The following LTN1 variants were observed in gnomAD, a reference collection of about 807,000 sequenced individuals.
LTN1 encodes the protein listerin E3 ubiquitin protein ligase 1.
LTN1 carries 88 observed loss-of-function variants against 201.2 expected under a neutral mutation model. The ratio of observed to expected loss-of-function variants is 0.44; its 90% CI spans 0.37 to 0.52. LTN1 has a LOEUF of 0.52. Ranked by LOEUF, LTN1 falls within the 20% of genes least tolerant of loss-of-function variation. The pLI is 0.00. For synonymous variants in LTN1, 645 were observed against 713.5 expected (o/e 0.90, Z 1.53); for missense variants, 1,752 against 2,038.7 (o/e 0.86, Z 2.71).
Position 28,986,831 on chromosome 21 carries a change from G to T in LTN1, c.146C>A (p.Pro49His). The T allele has an allele frequency of 1.2e-6, 2 of 1,613,656 alleles. No homozygotes were observed. The highest frequency in any genetic ancestry group is 1.7e-6 in the Non-Finnish European group (2 of 1,179,588). The stretch of plus-strand genomic sequence containing the variant: ...AATTTCTTCAGCTCCTTGAATAGCA[G>T]GAACATAGCCTAGGTCACTCTGAGA... Reference protein sequence around the residue: ...GTSQSDLGYVPAIQGAEEIDS... With the variant: ...GTSQSDLGYVHAIQGAEEIDS... The change falls in exon 2 of 30, where the codon CCT becomes CAT. Residue 49 changes from proline (P) to histidine (H), a missense_variant. Physicochemically the swap from Pro to His is moderately conservative, Grantham distance 77. This residue lies in a region of LTN1 where 280 missense variants were observed against 375.7 expected (regional missense o/e 0.75). Transcript: ENST00000361371. The surrounding 1 kb of genome is among the most constrained non-coding windows in gnomAD (Gnocchi z 4.1).
intron 6 of LTN1, among the ~76,000 whole-genome samples, chr21:28,973,361 A>AG (rs1459482240): frequency 3.3e-5 from 5 of 151,408 alleles, no homozygotes; most frequent in Non-Finnish European, 5.9e-5. Flanking sequence ...AAAAAAAAAA[A>AG]AAAAAAAGAA....
chr21:28,939,111 A>G (rs1408219033), intron 25 of LTN1, among the ~76,000 whole-genome samples: 1 of 152,230 alleles, frequency 6.6e-6, no homozygotes, highest in African/African-American at 2.4e-5. Context: ...CAATACAACA[A>G]TAAAAATACT....
intron 18 of LTN1, among the ~76,000 whole-genome samples, chr21:28,951,012 C>T (rs151305917): frequency 3.9e-4 from 59 of 152,144 alleles, no homozygotes; most frequent in Middle Eastern, 3.4e-3. Context: ...ACAGAACACA[C>T]GCACACTCTG....
At chr21:28,942,151 G>A (rs996499304) in intron 24 of LTN1, among the ~76,000 whole-genome samples, 2 of 152,026 alleles carry the variant, frequency 1.3e-5, no homozygotes, top group African/African-American at 2.4e-5. Context: ...CACAAGTACA[G>A]GCCTTCTCCA....
At chr21:28,960,187 C>T (rs911373702) in intron 12 of LTN1, among the ~76,000 whole-genome samples, 4 of 151,668 alleles carry the variant, frequency 2.6e-5, no homozygotes, top group South Asian at 2.1e-4. Context: ...GCCAACACAG[C>T]GAAACCCCGT....
chr21:28,945,221 A>C (rs992486748), intron 21 of LTN1, among the ~76,000 whole-genome samples: 1 of 152,106 alleles, frequency 6.6e-6, no homozygotes, highest in African/African-American at 2.4e-5. Context: ...ATTCTATCTC[A>C]AATTTAAAAA....
At position 28,958,619 on chromosome 21, in the gene LTN1, C is replaced by T. The variant is rs572134269; in HGVS notation, c.2594-80G>A. On this transcript the variant is annotated intron_variant, in intron 13 of 29. Transcript: ENST00000361371. ...GCACAAAATGTTTGAAACAACTCTA[C>T]AGATCTGAGATTTTTTTAAATACCA... 152 of 1,033,896 alleles carry T rather than the reference C, an allele frequency of 1.5e-4. 3 individuals carry two copies. The South Asian group carries it at 2.4e-3, about 17-fold the overall frequency. The allele number at this position is 1,033,896 out of a possible 1,614,324, so 64.0% of individuals were successfully genotyped here. A position where few individuals can be genotyped will look rare whatever the true frequency, so the allele number is the denominator to read the frequency against.
At chr21:28,983,784 T>C (rs1601003938) in intron 4 of LTN1, among the ~76,000 whole-genome samples, 2 of 152,300 alleles carry the variant, frequency 1.3e-5, no homozygotes, top group South Asian at 2.1e-4. Context: ...AATAAGGGAA[T>C]AAATGCAAGC....
chr21:28,974,797 G>A (rs1474341025), intron 6 of LTN1, among the ~76,000 whole-genome samples: 1 of 152,134 alleles, frequency 6.6e-6, no homozygotes, highest in Admixed American at 6.5e-5. Context: ...ACTATGCCCA[G>A]CTAATTTTTA....
chr21:28,966,066 C>G (rs942805246), intron 10 of LTN1, among the ~76,000 whole-genome samples, 160 bp from the exon 11 acceptor site: 3 of 152,166 alleles, frequency 2.0e-5, no homozygotes, highest in African/African-American at 7.2e-5. Context: ...CGCCAACATG[C>G]CCAGCTAAAA....
In LTN1 at chr21:28,958,459, C is replaced by G; in HGVS notation, c.2674G>C (p.Glu892Gln). ...GCAGACAAATGTAGGAAGGTACTCT[C>G]TTTATATGAACTGTCAGTTTGATGA... ...LVHQTDSSYK[E>Q]STFLHLSALW... Residue 892 changes from glutamate to glutamine, a missense_variant, in exon 14 of 30, where the codon GAG becomes CAG. Glu to Gln is a conservative substitution (Grantham distance 29). This residue lies in a region of LTN1 where 1,211 missense variants were observed against 1,312.8 expected (regional missense o/e 0.92). Coordinates refer to ENST00000361371, the MANE Select transcript of LTN1 (RefSeq NM_015565.3). The G allele has an allele frequency of 1.2e-6, 2 of 1,612,188 alleles. No homozygotes were observed. The highest frequency in any genetic ancestry group is 1.7e-6 in the Non-Finnish European group (2 of 1,179,120).
chr21:28,985,203 T>C (rs763984636), intron 3 of LTN1, among the ~76,000 whole-genome samples: 2 of 152,208 alleles, frequency 1.3e-5, no homozygotes, highest in Admixed American at 6.5e-5. Flanking sequence ...CTCGTGCCTA[T>C]AATCTCAGTA....
At chr21:28,951,669 T>C (rs750582693) in intron 18 of LTN1, among the ~76,000 whole-genome samples, 9 of 151,984 alleles carry the variant, frequency 5.9e-5, no homozygotes, top group Non-Finnish European at 1.3e-4. Context: ...TTAAAACTAT[T>C]TACTTTAAAA....
At chr21:28,962,355 T>C (rs2084485990) in intron 11 of LTN1, among the ~76,000 whole-genome samples, 1 of 152,198 alleles carries the variant, frequency 6.6e-6, no homozygotes, top group African/African-American at 2.4e-5. Context: ...CAACAATATA[T>C]GCTCATTTTG....
Position 28,931,325 on chromosome 21 carries a change from G to C in LTN1, c.5071-3C>G. 6.4e-7 allele frequency: 1 copy of C among 1,566,688 alleles called. No homozygotes were observed. The highest frequency in any genetic ancestry group is 8.7e-7 in the Non-Finnish European group (1 of 1,154,798). ...AAGCCTTCCATAATACTTCCATTCT[G>C]TTAACAAGAAGAAAAATAAGTCACT... On this transcript the variant is annotated splice_region_variant and splice_polypyrimidine_tract_variant and intron_variant, in intron 28 of 29. Transcript: ENST00000361371.
Position 28,979,509 on chromosome 21 carries a change from TG to T in LTN1, c.810+1609del, listed in dbSNP as rs544510504. ...ATACAGGAACATGATGGATCTCTTT[TG>T]AAAAAGTAATAAATGGAATAAAATA... On this transcript the variant is annotated intron_variant, in intron 6 of 29. Coordinates refer to ENST00000361371, the MANE Select transcript of LTN1 (RefSeq NM_015565.3). Among the ~76,000 whole-genome samples the T allele has an allele frequency of 5.9e-5, 9 of 152,284 alleles. No homozygotes were observed. In the East Asian group the frequency reaches 1.7e-3, roughly 29 times the overall value.
chr21:28,945,048 C>T (rs1056684267), intron 21 of LTN1, among the ~76,000 whole-genome samples: 2 of 152,112 alleles, frequency 1.3e-5, no homozygotes, highest in Admixed American at 6.6e-5. Context: ...ATGGTGAAAC[C>T]GCATCTCTAC....
At position 28,930,182 on chromosome 21, in the gene LTN1, A is replaced by G; in HGVS notation, c.*266T>C. ...GTTTTTCATATTTATTTTTAAATAT[A>G]CAAAGAAATTAAACCATTAATAGAA... On this transcript the variant is annotated 3_prime_UTR_variant, in exon 30 of 30. Coordinates refer to ENST00000361371, the MANE Select transcript of LTN1 (RefSeq NM_015565.3). 3.4e-6 allele frequency: 1 copy of G among 292,580 alleles called. No homozygotes were observed. The highest frequency in any genetic ancestry group is 6.2e-6 in the Non-Finnish European group (1 of 160,660). The allele number at this position is 292,580 out of a possible 1,614,324, so 18.1% of individuals were successfully genotyped here.
chr21:28,992,645 C>G (rs1177123907), intron 1 of LTN1, 119 bp downstream of exon 1: 5 of 1,097,252 alleles, frequency 4.6e-6, no homozygotes, highest in Admixed American at 2.0e-5. Flanking sequence ...AGGTCACACT[C>G]GACAGGGAAA....
Sources: gnomAD v4.1 joint callset for allele counts (sites outside exome capture counted in the v4.1 genomes callset) on GRCh38, gnomAD v4.1.1 for gene constraint, gnomAD v4.1.1 regional missense constraint, Gnocchi (gnomAD v3.1) non-coding constraint, MANE v1.5 for transcripts, NCBI Gene and HGNC (gene_info 2026-07-23, HGNC 2026-07-21) for gene names.